The following GHR variants were observed in gnomAD, a reference collection of about 807,000 sequenced individuals.
The protein encoded by GHR is growth hormone receptor.
In GHR, 35 loss-of-function variants were observed where a neutral mutation model predicts 67.1. The ratio of observed to expected loss-of-function variants is 0.52; its 90% CI spans 0.40 to 0.69. The LOEUF is 0.69. GHR is among the 30% of genes least tolerant of loss of function. GHR has a pLI of 0.00. For missense variants in GHR, 792 were observed against 764.6 expected, an observed-to-expected ratio of 1.04 and a Z score of -0.42; for synonymous variants, 272 against 269.1, an observed-to-expected ratio of 1.01 and a Z score of -0.10.
At chr5:42,427,367 G>A (rs1742898447) in intron 1 of GHR, among the ~76,000 whole-genome samples, 1 of 152,242 alleles carries the variant, frequency 6.6e-6, no homozygotes, top group African/African-American at 2.4e-5. Flanking sequence ...AGGCAAGAAA[G>A]CATGTGCAGG....
intron 1 of GHR, chr5:42,465,449 A>T (rs1744682896): frequency 1.9e-6 from 3 of 1,578,550 alleles, no homozygotes; most frequent in Non-Finnish European, 2.6e-6. Context: ...ATCCAAAGTC[A>T]TCTCTTTTGG....
chr5:42,616,277 G>C (rs1753142427), intron 2 of GHR, among the ~76,000 whole-genome samples: 1 of 152,060 alleles, frequency 6.6e-6, no homozygotes, highest in South Asian at 2.1e-4. Context: ...GGAAAAAGGT[G>C]CTGGATGCAT....
intron 3 of GHR, among the ~76,000 whole-genome samples, chr5:42,681,054 A>G (rs1023877605): frequency 2.0e-5 from 3 of 152,148 alleles, no homozygotes; most frequent in African/African-American, 7.2e-5. Flanking sequence ...GGCATGGGCA[A>G]AGACTTCATG....
intron 1 of GHR, among the ~76,000 whole-genome samples, chr5:42,449,297 C>A (rs1743947588): frequency 6.6e-6 from 1 of 152,180 alleles, no homozygotes; most frequent in Admixed American, 6.5e-5. Context: ...TTTGTGTCAT[C>A]TATTATTTCT....
At chr5:42,663,657 T>C in intron 3 of GHR, among the ~76,000 whole-genome samples, 1 of 152,150 alleles carries the variant, frequency 6.6e-6, no homozygotes, top group East Asian at 1.9e-4. Context: ...GGGCAAAAAC[T>C]GGAAGCATTC....
intron 1 of GHR, chr5:42,465,821 T>A: frequency 3.9e-6 from 3 of 774,006 alleles, no homozygotes; most frequent in Non-Finnish European, 7.2e-6. Context: ...AAGACCACCA[T>A]GACCTTGAAT....
intron 1 of GHR, among the ~76,000 whole-genome samples, chr5:42,434,414 A>G (rs754083950): frequency 6.6e-6 from 1 of 152,220 alleles, no homozygotes; most frequent in Non-Finnish European, 1.5e-5. Context: ...GGGCAGTCCT[A>G]TATAAGAAAT....
At chr5:42,484,878 C>T (rs1745808736) in intron 1 of GHR, among the ~76,000 whole-genome samples, 1 of 152,116 alleles carries the variant, frequency 6.6e-6, no homozygotes, top group East Asian at 1.9e-4. Context: ...AGTCCTTCTG[C>T]CAAGTGGCTC....
chr5:42,577,483 C>T (rs551616718), intron 2 of GHR, among the ~76,000 whole-genome samples: 1 of 152,194 alleles, frequency 6.6e-6, no homozygotes, highest in East Asian at 1.9e-4. Flanking sequence ...TCTGGCTACC[C>T]CTTTATAGTT....
At chr5:42,534,139 T>C (rs1748110208) in intron 1 of GHR, among the ~76,000 whole-genome samples, 1 of 148,148 alleles carries the variant, frequency 6.8e-6, no homozygotes, top group Non-Finnish European at 1.5e-5. Context: ...TATGTACATA[T>C]GTATATATGT....
chr5:42,442,459 T>C (rs1743621421), intron 1 of GHR, among the ~76,000 whole-genome samples: 1 of 152,178 alleles, frequency 6.6e-6, no homozygotes, highest in African/African-American at 2.4e-5. Context: ...TTTAGGATAT[T>C]GGCATGGGCA....
chr5:42,467,635 T>C, intron 1 of GHR: 4 of 1,606,534 alleles, frequency 2.5e-6, no homozygotes, highest in Non-Finnish European at 3.4e-6. Flanking sequence ...TGAGCAAACA[T>C]AAGGTTTCTG....
intron 2 of GHR, among the ~76,000 whole-genome samples, chr5:42,600,156 G>A (rs1051781288): frequency 6.6e-6 from 1 of 152,170 alleles, no homozygotes; most frequent in Non-Finnish European, 1.5e-5. Flanking sequence ...TGGGTCAATA[G>A]CTTTTCACCA....
At chr5:42,621,645 C>T (rs1753452657) in intron 2 of GHR, among the ~76,000 whole-genome samples, 1 of 152,186 alleles carries the variant, frequency 6.6e-6, no homozygotes, top group Admixed American at 6.5e-5. Flanking sequence ...CAAAATGTGG[C>T]TACTGCAGAT....
At chr5:42,544,450 G>T (rs1170034727) in intron 1 of GHR, among the ~76,000 whole-genome samples, 1 of 152,126 alleles carries the variant, frequency 6.6e-6, no homozygotes, top group Non-Finnish European at 1.5e-5. Context: ...CAGTTTGAAA[G>T]CAATTGGGTG....
At chr5:42,599,625 A>G (rs1752262593) in intron 2 of GHR, among the ~76,000 whole-genome samples, 1 of 151,672 alleles carries the variant, frequency 6.6e-6, no homozygotes, top group South Asian at 2.1e-4. Context: ...TTGGCCTCCC[A>G]AAGTGCTGGG....
At chr5:42,595,110 A>G (rs1410934595) in intron 2 of GHR, among the ~76,000 whole-genome samples, 2 of 152,194 alleles carry the variant, frequency 1.3e-5, no homozygotes, top group East Asian at 1.9e-4. Context: ...CTAAAAATAT[A>G]TGAATTTAGA....
At chr5:42,559,004 T>C (rs1749457922) in intron 1 of GHR, among the ~76,000 whole-genome samples, 1 of 152,214 alleles carries the variant, frequency 6.6e-6, no homozygotes, top group African/African-American at 2.4e-5. Flanking sequence ...CATATGAATT[T>C]AGATGCTAAA....
intron 1 of GHR, among the ~76,000 whole-genome samples, chr5:42,563,624 C>CAAAAAAA (rs1168788232): frequency 4.7e-4 from 21 of 45,094 alleles, no homozygotes; most frequent in African/African-American, 6.0e-4. Context: ...GACTCCGTCT[C>CAAAAAAA]AAAAAAAAAA....
Sources: gnomAD v4.1 joint callset for allele counts (sites outside exome capture counted in the v4.1 genomes callset) on GRCh38, gnomAD v4.1.1 for gene constraint, MANE v1.5 for transcripts, NCBI Gene and HGNC (gene_info 2026-07-23, HGNC 2026-07-21) for gene names.